Variants in ELP4 observed in about 807,000 individuals in gnomAD.
The protein encoded by ELP4 is elongator complex protein 4.
Under a neutral mutation model 48.9 loss-of-function variants are expected in ELP4, and 51 were observed. That is an observed-to-expected ratio of 1.04 (90% CI 0.83 to 1.32). The LOEUF is 1.32. Among genes scored for constraint, ELP4 ranks in the 40% most tolerant of loss-of-function variants. The pLI is 0.00. For synonymous variants in ELP4, 210 were observed against 189.2 expected (o/e 1.11, Z -0.90); for missense variants, 519 against 514.6 (o/e 1.01, Z -0.08).
chr11:31,636,013 A>G (rs958150418), intron 7 of ELP4, among the ~76,000 whole-genome samples: 3 of 151,986 alleles, frequency 2.0e-5, no homozygotes, highest in Non-Finnish European at 4.4e-5. Context: ...CCTGTCCACT[A>G]TGACCAGTGC....
At chr11:31,771,791 A>G (rs749357862) in intron 9 of ELP4, among the ~76,000 whole-genome samples, 3 of 152,300 alleles carry the variant, frequency 2.0e-5, no homozygotes, top group Middle Eastern at 6.8e-3. Context: ...CATCCTGGCT[A>G]ACACAGTGAA....
At chr11:31,669,361 A>G (rs944434032) in intron 9 of ELP4, among the ~76,000 whole-genome samples, 4 of 152,088 alleles carry the variant, frequency 2.6e-5, no homozygotes, top group Non-Finnish European at 4.4e-5. Context: ...GATTACAGGC[A>G]TGAGCCACCG....
chr11:31,608,848 C>G (rs986312472), intron 5 of ELP4, among the ~76,000 whole-genome samples: 1 of 151,998 alleles, frequency 6.6e-6, no homozygotes, highest in Non-Finnish European at 1.5e-5. Flanking sequence ...TAGATAAAGC[C>G]GAGTAGCTGG....
chr11:31,549,190 T>C (rs1956791247), intron 3 of ELP4, among the ~76,000 whole-genome samples: 1 of 150,494 alleles, frequency 6.6e-6, no homozygotes, highest in Non-Finnish European at 1.5e-5. Flanking sequence ...ACCATCAGAG[T>C]GAACAGGCAA....
At chr11:31,762,406 G>A (rs1947962544) in intron 9 of ELP4, among the ~76,000 whole-genome samples, 2 of 151,916 alleles carry the variant, frequency 1.3e-5, no homozygotes, top group African/African-American at 2.4e-5. Flanking sequence ...CATTTTATTC[G>A]AAAGAACTTG....
At chr11:31,661,197 A>G (rs760308386) in intron 9 of ELP4, among the ~76,000 whole-genome samples, 1 of 152,026 alleles carries the variant, frequency 6.6e-6, no homozygotes, top group Non-Finnish European at 1.5e-5. Context: ...ATTTCTAGTC[A>G]ATGTCAAACA....
At chr11:31,682,058 A>G (rs1946064660) in intron 9 of ELP4, 1 of 1,295,660 alleles carries the variant, frequency 7.7e-7, no homozygotes. Flanking sequence ...TTGTATTTCA[A>G]AGAGAACAAG....
At chr11:31,666,369 A>G (rs1945675192) in intron 9 of ELP4, among the ~76,000 whole-genome samples, 1 of 152,122 alleles carries the variant, frequency 6.6e-6, no homozygotes, top group Admixed American at 6.5e-5. Context: ...TGAACACTAT[A>G]GCGGAAAACA....
At chr11:31,742,270 T>C (rs1030494981) in intron 9 of ELP4, among the ~76,000 whole-genome samples, 2 of 152,188 alleles carry the variant, frequency 1.3e-5, no homozygotes, top group Non-Finnish European at 2.9e-5. Flanking sequence ...CTACGTCTGA[T>C]TGGTGTACCT....
In ELP4 at chr11:31,623,354, A is replaced by AAT. The variant is rs779632233; in HGVS notation, c.654-3720_654-3719dup. On this transcript the variant is annotated intron_variant, in intron 5 of 9. Coordinates refer to ENST00000640961, the MANE Select transcript of ELP4 (RefSeq NM_019040.5). ...CAATAGAAGATATTTATTTTCAGCA[A>AAT]ATATATATATATATATATATATATA... 5.0e-3 allele frequency among the ~76,000 whole-genome samples: 46 copies of AAT among 9,244 alleles called. 2 individuals are homozygous for AAT. The highest frequency in any genetic ancestry group is 8.5e-3 in the African/African-American group (42 of 4,944). 6.1% of individuals were successfully genotyped at this position (9,244 alleles called of 152,430 possible).
intron 9 of ELP4, among the ~76,000 whole-genome samples, chr11:31,694,137 C>A (rs911000638): frequency 6.6e-6 from 1 of 152,092 alleles, no homozygotes; most frequent in African/African-American, 2.4e-5. Context: ...ATGGTAGTTT[C>A]TTTTGCTGTG....
At chr11:31,763,550 G>T in intron 9 of ELP4, 1 of 1,591,858 alleles carries the variant, frequency 6.3e-7, no homozygotes, top group South Asian at 1.1e-5. Flanking sequence ...CTTGCAAAGG[G>T]TATGGGCTTT....
At chr11:31,618,605 G>A (rs1565081963) in intron 5 of ELP4, among the ~76,000 whole-genome samples, 1 of 151,896 alleles carries the variant, frequency 6.6e-6, no homozygotes, top group African/African-American at 2.4e-5. Flanking sequence ...GTTTTAAAGG[G>A]GACCGACATT....
chr11:31,630,730 A>T (rs184714712), intron 6 of ELP4, among the ~76,000 whole-genome samples: 1 of 152,238 alleles, frequency 6.6e-6, no homozygotes, highest in East Asian at 1.9e-4. Flanking sequence ...GCTTTAGTCC[A>T]GCAGTTCAAG....
chr11:31,615,996 T>C (rs989871389), intron 5 of ELP4, among the ~76,000 whole-genome samples: 1 of 152,104 alleles, frequency 6.6e-6, no homozygotes, highest in African/African-American at 2.4e-5. Flanking sequence ...TGTTATCTCA[T>C]TTAATTCTTC....
At chr11:31,693,922 G>A (rs1946339368) in intron 9 of ELP4, among the ~76,000 whole-genome samples, 1 of 152,194 alleles carries the variant, frequency 6.6e-6, no homozygotes, top group East Asian at 1.9e-4. Flanking sequence ...GTGATGATGA[G>A]CATTTTCTCA....
chr11:31,631,758 CTT>C (rs761981714), intron 6 of ELP4, among the ~76,000 whole-genome samples: 66 of 152,030 alleles, frequency 4.3e-4, no homozygotes, highest in Admixed American at 7.2e-4. Context: ...AGTCATATAT[CTT>C]TAAGCTTTTT....
intron 3 of ELP4, among the ~76,000 whole-genome samples, chr11:31,542,528 A>G (rs933066977): frequency 1.3e-5 from 2 of 152,216 alleles, no homozygotes; most frequent in South Asian, 4.1e-4. Flanking sequence ...GAAAAACTTC[A>G]TAATTCATGA....
At chr11:31,751,430 A>T (rs565405639) in intron 9 of ELP4, among the ~76,000 whole-genome samples, 5 of 152,256 alleles carry the variant, frequency 3.3e-5, no homozygotes, top group African/African-American at 1.2e-4. Context: ...AAGGAACCAA[A>T]ACTTTACTGT....
Sources: allele counts gnomAD v4.1 joint callset (sites outside exome capture counted in the v4.1 genomes callset), GRCh38; gene constraint gnomAD v4.1.1; transcripts MANE v1.5; gene names NCBI Gene and HGNC (gene_info 2026-07-23, HGNC 2026-07-21).